Variants in CNIH3 observed in about 807,000 individuals in gnomAD.
CNIH3 encodes the protein protein cornichon homolog 3.
Under a neutral mutation model 24.1 loss-of-function variants are expected in CNIH3, and 14 were observed. The ratio of observed to expected loss-of-function variants is 0.58; its 90% confidence interval spans 0.38 to 0.91. CNIH3 has a LOEUF of 0.91. Among genes scored for constraint, CNIH3 ranks in the 40% least tolerant of loss-of-function variants. The probability of loss-of-function intolerance (pLI) is 0.00; values close to 1 mark genes in which losing one functional copy is unlikely to be tolerated. For missense variants in CNIH3, 178 were observed against 196.8 expected (o/e 0.90, Z 0.57); for synonymous variants, 68 against 73.8 (o/e 0.92, Z 0.40).
At chr1:224,551,109 T>G (rs1679903391) in intron 3 of CNIH3, among the ~76,000 whole-genome samples, 1 of 152,000 alleles carries the variant, frequency 6.6e-6, no homozygotes, top group African/African-American at 2.4e-5. Flanking sequence ...GGAACACTTT[T>G]ACACTGTTGG....
intron 4 of CNIH3, chr1:224,574,580 C>T: frequency 1.3e-6 from 1 of 785,764 alleles, no homozygotes; most frequent in South Asian, 1.4e-5. Context: ...CCCACGTGTA[C>T]CAGAATGAGA....
intron 1 of CNIH3, among the ~76,000 whole-genome samples, chr1:224,452,205 G>A (rs191437035): frequency 1.3e-5 from 2 of 149,620 alleles, no homozygotes; most frequent in East Asian, 2.0e-4. Flanking sequence ...GCTGGTGTGC[G>A]GTGGCGCGAT....
In CNIH3 at chr1:224,733,592, T is replaced by A. The variant is rs780133283; in HGVS notation, c.312-971T>A. On this transcript the variant is annotated intron_variant, in intron 4 of 5. Coordinates refer to ENST00000272133, the MANE Select transcript of CNIH3 (RefSeq NM_152495.2). ...TGCGAGTTGCTACATTGCAGGATGT[T>A]CTTCAAAGCCAGTGTGATTAATCTC... 1.3e-4 allele frequency among the ~76,000 whole-genome samples: 20 copies of A among 152,178 alleles called. 1 individual carries two copies. The highest frequency in any genetic ancestry group is 4.6e-4 in the Admixed American group (7 of 15,280).
intron 1 of CNIH3, among the ~76,000 whole-genome samples, chr1:224,510,009 C>T (rs1433048535): frequency 1.3e-5 from 2 of 152,210 alleles, no homozygotes; most frequent in South Asian, 2.1e-4. Flanking sequence ...GGTTTCTGGG[C>T]TTCAGGCCTT....
At chr1:224,515,342 CA>C (rs1454567174), upstream of CNIH3, among the ~76,000 whole-genome samples, 4 of 152,040 alleles carry the variant, frequency 2.6e-5, no homozygotes, top group Non-Finnish European at 5.9e-5. Context: ...AATATTAACT[CA>C]AAAAATGGTA....
At chr1:224,437,171 C>G (rs1674703849) in intron 1 of CNIH3, 1 of 152,200 alleles carries the variant, frequency 6.6e-6, no homozygotes, top group Non-Finnish European at 1.5e-5. Context: ...TTTACCTTCC[C>G]CTTTTCACCC....
rs150278662 is a variant in CNIH3 at position 224,705,905 on chromosome 1, G to A, written c.198+21062G>A. On this transcript the variant is annotated intron_variant, in intron 3 of 5. Transcript: ENST00000272133. ...GAACCTACCCATTCTTTAAGACTCA[G>A]CTCACATCGTCACTTCGGGGAAGCC... 5.4e-3 allele frequency among the ~76,000 whole-genome samples: 653 copies of A among 120,024 alleles called. 2 individuals carry two copies. Among genetic ancestry groups the A allele is most frequent in the Non-Finnish European group, 8.1e-3 (503 of 62,080 alleles). The allele number at this position is 120,024 out of a possible 152,430, so 78.7% of individuals were successfully genotyped here. A position where few individuals can be genotyped will look rare whatever the true frequency, so the allele number is the denominator to read the frequency against.
At chr1:224,596,080 G>T (rs1330381972) in intron 3 of CNIH3, among the ~76,000 whole-genome samples, 1 of 152,234 alleles carries the variant, frequency 6.6e-6, no homozygotes, top group Non-Finnish European at 1.5e-5. Context: ...CTAAACAACA[G>T]ATTTTCAATG....
At chr1:224,579,798 G>C (rs1208245830) in intron 4 of CNIH3, among the ~76,000 whole-genome samples, 1 of 152,150 alleles carries the variant, frequency 6.6e-6, no homozygotes, top group Non-Finnish European at 1.5e-5. Context: ...CATGAGCTTT[G>C]CACAGACCAG....
chr1:224,498,862 A>G (rs1677541686), intron 1 of CNIH3, among the ~76,000 whole-genome samples: 1 of 152,234 alleles, frequency 6.6e-6, no homozygotes, highest in Non-Finnish European at 1.5e-5. Context: ...AGGAAGAGGA[A>G]TCAAGACACT....
chr1:224,673,262 C>T (rs1685959587), intron 1 of CNIH3, among the ~76,000 whole-genome samples: 1 of 152,198 alleles, frequency 6.6e-6, no homozygotes, highest in Non-Finnish European at 1.5e-5. Flanking sequence ...ATAAGGGCCG[C>T]ATCACCAATG....
chr1:224,736,794 A>G lies in CNIH3; in HGVS notation c.455+2088A>G, dbSNP rs562128320. Reference sequence around the variant, plus strand: ...GTTCACCTAAGTCTTTCTGACTCCAAGTCTGAACTATTTAACAACCAAAGG... The same window carrying G: ...GTTCACCTAAGTCTTTCTGACTCCAGGTCTGAACTATTTAACAACCAAAGG... On this transcript the variant is annotated intron_variant, in intron 5 of 5. Transcript: ENST00000272133. 3.3e-5 allele frequency among the ~76,000 whole-genome samples: 5 copies of G among 152,304 alleles called. No homozygotes were observed. The South Asian group carries it at 8.3e-4, about 25-fold the overall frequency.
intron 3 of CNIH3, among the ~76,000 whole-genome samples, chr1:224,728,394 C>T (rs568446710): frequency 6.6e-6 from 1 of 152,028 alleles, no homozygotes. Flanking sequence ...ATGGCGTGCC[C>T]CCTCCTGCCA....
intron 4 of CNIH3, among the ~76,000 whole-genome samples, chr1:224,572,379 G>T (rs1218493079): frequency 6.6e-6 from 1 of 152,082 alleles, no homozygotes; most frequent in Non-Finnish European, 1.5e-5. Context: ...ATCTGGGCAA[G>T]GTGGCTCACG....
chr1:224,439,874 C>T (rs1023416699), intron 1 of CNIH3, among the ~76,000 whole-genome samples: 4 of 151,594 alleles, frequency 2.6e-5, no homozygotes, highest in African/African-American at 4.9e-5. Context: ...CTGCAAGCTC[C>T]GCCTCCTGGG....
chr1:224,522,545 C>A (rs759198460), intron 2 of CNIH3, among the ~76,000 whole-genome samples: 1 of 152,196 alleles, frequency 6.6e-6, no homozygotes, highest in Non-Finnish European at 1.5e-5. Flanking sequence ...AATACACAAA[C>A]AACTCCAGCA....
intron 2 of CNIH3, among the ~76,000 whole-genome samples, chr1:224,533,387 CAAA>C (rs146941595): frequency 2.7e-3 from 280 of 103,360 alleles, no homozygotes; most frequent in African/African-American, 8.4e-3. Flanking sequence ...GAACCCGTCT[CAAA>C]AAAAAAAAAA....
chr1:224,468,731 A>C (rs1340145887), intron 1 of CNIH3, among the ~76,000 whole-genome samples: 2 of 151,948 alleles, frequency 1.3e-5, no homozygotes, highest in South Asian at 4.1e-4. Flanking sequence ...AGGTGGGAGC[A>C]TCACTTGAGG....
intron 3 of CNIH3, among the ~76,000 whole-genome samples, chr1:224,697,169 C>T (rs1021031771): frequency 2.0e-5 from 3 of 152,340 alleles, no homozygotes; most frequent in East Asian, 1.9e-4. Flanking sequence ...ACAGGTGTGA[C>T]GTGCTTGTCA....
Sources: gnomAD v4.1 joint callset for allele counts (sites outside exome capture counted in the v4.1 genomes callset) on GRCh38, gnomAD v4.1.1 for gene constraint, MANE v1.5 for transcripts, NCBI Gene and HGNC (gene_info 2026-07-23, HGNC 2026-07-21) for gene names.